The following SSBP2 variants were observed in gnomAD, a reference collection of about 807,000 sequenced individuals.
The protein encoded by SSBP2 is single stranded DNA binding protein 2, also known as single-stranded DNA-binding protein 2.
Under a neutral mutation model 61.8 loss-of-function variants are expected in SSBP2, and 17 were observed. The observed-to-expected ratio is 0.28, with a 90% CI of 0.19 to 0.41. SSBP2 has a LOEUF of 0.41. Ranked by LOEUF, SSBP2 falls within the 10% of genes least tolerant of loss-of-function variation. SSBP2 has a pLI of 1.00. For synonymous variants in SSBP2, 139 were observed against 141.3 expected, an observed-to-expected ratio of 0.98 and a Z score of 0.12; for missense variants, 310 against 458.7, an observed-to-expected ratio of 0.68 and a Z score of 2.96.
chr5:81,486,101 T>C (rs1006135225), intron 6 of SSBP2, among the ~76,000 whole-genome samples: 5 of 152,128 alleles, frequency 3.3e-5, no homozygotes, highest in Non-Finnish European at 5.9e-5. Context: ...GTGGTGGGAA[T>C]GGACAAAAAG....
chr5:81,647,804 C>T (rs986802519), intron 2 of SSBP2, among the ~76,000 whole-genome samples: 2 of 152,086 alleles, frequency 1.3e-5, no homozygotes, highest in Non-Finnish European at 2.9e-5. Context: ...TTCATTTCCA[C>T]CAAACAGTCC....
At chr5:81,666,557 T>C (rs1270660250) in intron 1 of SSBP2, among the ~76,000 whole-genome samples, 3 of 152,286 alleles carry the variant, frequency 2.0e-5, no homozygotes, top group Non-Finnish European at 2.9e-5. Flanking sequence ...CTATCAACTT[T>C]GGAGAACTGA....
intron 1 of SSBP2, among the ~76,000 whole-genome samples, chr5:81,741,434 C>T (rs1284726753): frequency 6.6e-6 from 1 of 152,028 alleles, no homozygotes; most frequent in African/African-American, 2.4e-5. Context: ...ATAATGTGAA[C>T]GTACTTAATG....
At chr5:81,562,820 A>G (rs1773152988) in intron 4 of SSBP2, among the ~76,000 whole-genome samples, 1 of 152,182 alleles carries the variant, frequency 6.6e-6, no homozygotes, top group Non-Finnish European at 1.5e-5. Flanking sequence ...TCATTAAAAT[A>G]TTTTGGTGTA....
chr5:81,540,767 A>AT (rs1198902218), intron 4 of SSBP2, among the ~76,000 whole-genome samples: 1 of 152,192 alleles, frequency 6.6e-6, no homozygotes, highest in East Asian at 1.9e-4. Context: ...TTATGGCAAT[A>AT]TTCACTTTAT....
At chr5:81,541,075 T>A (rs1771230037) in intron 4 of SSBP2, among the ~76,000 whole-genome samples, 1 of 152,042 alleles carries the variant, frequency 6.6e-6, no homozygotes, top group Admixed American at 6.5e-5. Context: ...AGTTTCAGGA[T>A]GTCAATTCAA....
At chr5:81,543,954 AAAC>A (rs1482499729) in intron 4 of SSBP2, among the ~76,000 whole-genome samples, 1 of 152,216 alleles carries the variant, frequency 6.6e-6, no homozygotes, top group Non-Finnish European at 1.5e-5. Context: ...ATATAATTAT[AAAC>A]AATAATCTAC....
intron 3 of SSBP2, among the ~76,000 whole-genome samples, chr5:81,616,755 G>C (rs967350953): frequency 6.6e-6 from 1 of 150,976 alleles, no homozygotes; most frequent in African/African-American, 2.4e-5. Flanking sequence ...CTGGAGATCT[G>C]AGAACGGGCA....
intron 4 of SSBP2, among the ~76,000 whole-genome samples, chr5:81,532,072 A>C (rs1770454372): frequency 6.6e-6 from 1 of 152,120 alleles, no homozygotes; most frequent in Admixed American, 6.6e-5. Context: ...ATGCATGAAA[A>C]GTTATCAACT....
intron 4 of SSBP2, among the ~76,000 whole-genome samples, chr5:81,552,157 T>C (rs1772246866): frequency 6.6e-6 from 1 of 152,198 alleles, no homozygotes. Context: ...TGCTAATTCT[T>C]GTATAGAGAG....
At chr5:81,613,003 G>T (rs1173046738) in intron 4 of SSBP2, among the ~76,000 whole-genome samples, 1 of 151,894 alleles carries the variant, frequency 6.6e-6, no homozygotes, top group East Asian at 1.9e-4. Context: ...TCCTATTCAT[G>T]AAAATTACCA....
At chr5:81,666,910 G>A (rs1458713229) in intron 1 of SSBP2, among the ~76,000 whole-genome samples, 1 of 152,058 alleles carries the variant, frequency 6.6e-6, no homozygotes, top group Non-Finnish European at 1.5e-5. Context: ...ACTAACCTTG[G>A]AAGTCTTGCT....
At chr5:81,638,438 G>A (rs1025574454) in intron 2 of SSBP2, among the ~76,000 whole-genome samples, 1 of 151,364 alleles carries the variant, frequency 6.6e-6, no homozygotes, top group Non-Finnish European at 1.5e-5. Flanking sequence ...CAGGAGAATC[G>A]CTTGAACCCA....
At chr5:81,557,527 TCTC>T (rs777482833) in intron 4 of SSBP2, among the ~76,000 whole-genome samples, 3 of 152,142 alleles carry the variant, frequency 2.0e-5, no homozygotes, top group Non-Finnish European at 4.4e-5. Flanking sequence ...GCTCTACTCT[TCTC>T]CTCCTAGTTT....
intron 11 of SSBP2, among the ~76,000 whole-genome samples, chr5:81,448,573 A>C (rs1314540397): frequency 6.6e-6 from 1 of 152,186 alleles, no homozygotes; most frequent in Non-Finnish European, 1.5e-5. Context: ...ACATATGCTG[A>C]AGTAAAACAC....
At chr5:81,582,510 TATAATA>T (rs1237337539) in intron 4 of SSBP2, among the ~76,000 whole-genome samples, 7 of 152,208 alleles carry the variant, frequency 4.6e-5, no homozygotes, top group Non-Finnish European at 7.3e-5. Context: ...TTATAGAAGA[TATAATA>T]ATGATAAAAA....
At chr5:81,593,696 T>A (rs533092613) in intron 4 of SSBP2, among the ~76,000 whole-genome samples, 1 of 152,252 alleles carries the variant, frequency 6.6e-6, no homozygotes, top group South Asian at 2.1e-4. Context: ...TCAACATTCT[T>A]AAAGAAAAGA....
chr5:81,709,838 C>CAA lies in SSBP2; in HGVS notation c.62+41142_62+41143insTT, dbSNP rs1319021319. ...CATCATAGCAGATGTAGAACACTTG[C>CAA]AGAACTATTCCTTTGCATGCTATTT... is the stretch of plus-strand genomic sequence containing the variant. On this transcript the variant is annotated intron_variant, in intron 1 of 16. Coordinates refer to ENST00000320672, the MANE Select transcript of SSBP2 (RefSeq NM_012446.5). Among the ~76,000 whole-genome samples, 40 of 151,872 alleles carry CAA rather than the reference C, an allele frequency of 2.6e-4. 1 individual carries two copies. The highest frequency in any genetic ancestry group is 2.6e-3 in the Admixed American group (40 of 15,234).
At chr5:81,487,373 C>CA (rs1766463118) in intron 6 of SSBP2, among the ~76,000 whole-genome samples, 3 of 151,954 alleles carry the variant, frequency 2.0e-5, no homozygotes, top group African/African-American at 7.2e-5. Flanking sequence ...TATTTGAGAA[C>CA]AAAACATGAA....
Sources: gnomAD v4.1 joint callset for allele counts (sites outside exome capture counted in the v4.1 genomes callset) on GRCh38, gnomAD v4.1.1 for gene constraint, MANE v1.5 for transcripts, NCBI Gene and HGNC (gene_info 2026-07-23, HGNC 2026-07-21) for gene names.